Variants in NAV2 observed in about 807,000 individuals in gnomAD.
NAV2 encodes neuron navigator 2.
Under a neutral mutation model 223.2 loss-of-function variants are expected in NAV2, and 54 were observed. That is an observed-to-expected ratio of 0.24 (90% CI 0.19 to 0.30). NAV2 has a LOEUF of 0.30. Among genes scored for constraint, NAV2 ranks in the 10% least tolerant of loss-of-function variants. The pLI is 1.00. For synonymous variants in NAV2, 1,279 were observed against 1,239.3 expected, an observed-to-expected ratio of 1.03 and a Z score of -0.67; for missense variants, 2,806 against 3,147.5, an observed-to-expected ratio of 0.89 and a Z score of 2.60.
intron 1 of NAV2, among the ~76,000 whole-genome samples, chr11:19,691,462 C>T (rs1158111832): frequency 1.3e-5 from 2 of 152,124 alleles, no homozygotes; most frequent in African/African-American, 2.4e-5. Context: ...GTTTCAAGTC[C>T]GCAGTTGTCA....
At chr11:20,072,713 C>G (rs762244005) in intron 22 of NAV2, among the ~76,000 whole-genome samples, 1 of 152,114 alleles carries the variant, frequency 6.6e-6, no homozygotes, top group African/African-American at 2.4e-5. Flanking sequence ...AATGGGAGTT[C>G]ACTCATGATT....
intron 1 of NAV2, among the ~76,000 whole-genome samples, chr11:19,402,540 A>G (rs1849730030): frequency 6.6e-6 from 1 of 152,190 alleles, no homozygotes; most frequent in Admixed American, 6.5e-5. Flanking sequence ...TGTAATTTAT[A>G]TAGCTTTTGA....
chr11:19,932,443 C>A (rs2045463764), intron 6 of NAV2, among the ~76,000 whole-genome samples: 1 of 152,082 alleles, frequency 6.6e-6, no homozygotes, highest in African/African-American at 2.4e-5. Flanking sequence ...CTCAGCCTCC[C>A]AAGTAGCTGG....
intron 1 of NAV2, among the ~76,000 whole-genome samples, chr11:19,487,161 G>C (rs900119757): frequency 5.9e-5 from 9 of 152,192 alleles, no homozygotes; most frequent in Non-Finnish European, 1.3e-4. Context: ...CTGAGCCTGG[G>C]TCTGAAGCAG....
chr11:19,787,036 AAAG>A (rs1322106003), intron 1 of NAV2, among the ~76,000 whole-genome samples: 71 of 152,144 alleles, frequency 4.7e-4, no homozygotes, highest in African/African-American at 1.3e-3. Flanking sequence ...GTTAGAAACA[AAAG>A]AAGAAGAAGA....
chr11:20,104,377 G>A (rs2061869943), intron 34 of NAV2: 1 of 152,720 alleles, frequency 6.5e-6, no homozygotes, highest in African/African-American at 2.4e-5. Context: ...GGCCCTTAGA[G>A]GTGGATGTGA....
chr11:19,796,512 C>T (rs1044748604), intron 1 of NAV2, among the ~76,000 whole-genome samples: 1 of 152,190 alleles, frequency 6.6e-6, no homozygotes, highest in Admixed American at 6.5e-5. Flanking sequence ...AATGTGATTT[C>T]TTCCCATTTT....
At chr11:19,477,463 C>T (rs2042153681) in intron 1 of NAV2, among the ~76,000 whole-genome samples, 1 of 152,196 alleles carries the variant, frequency 6.6e-6, no homozygotes, top group South Asian at 2.1e-4. Context: ...CTACAAGTAA[C>T]AAAATCCCCA....
intron 1 of NAV2, among the ~76,000 whole-genome samples, chr11:19,459,516 T>C (rs1308148656): frequency 1.3e-5 from 2 of 152,144 alleles, no homozygotes; most frequent in Non-Finnish European, 2.9e-5. Context: ...GGTCATGAAC[T>C]CCCTCTAAGG....
Position 20,030,159 on chromosome 11 carries a change from A to G in NAV2, c.2769-5800A>G, listed in dbSNP as rs143383731. On this transcript the variant is annotated intron_variant, in intron 11 of 37. Coordinates refer to ENST00000349880, the MANE Select transcript of NAV2 (RefSeq NM_145117.5). The stretch of plus-strand genomic sequence containing the variant: ...CAAACACAATGCTATCTCCAGCAAC[A>G]TTTTCAGAGCAATTTTGGAGCTGCT... 9.1e-4 allele frequency among the ~76,000 whole-genome samples: 138 copies of G among 152,298 alleles called. 1 individual carries two copies. The highest frequency in any genetic ancestry group is 3.2e-3 in the African/African-American group (132 of 41,572).
intron 11 of NAV2, among the ~76,000 whole-genome samples, chr11:19,986,138 T>G (rs2050776751): frequency 6.6e-6 from 1 of 152,230 alleles, no homozygotes; most frequent in Non-Finnish European, 1.5e-5. Context: ...ATTGTAAGAT[T>G]AATGGGATTA....
chr11:20,103,207 G>A (rs201044377), intron 32 of NAV2, 48 bp from the exon 33 acceptor site: 162 of 1,573,350 alleles, frequency 1.0e-4, no homozygotes, highest in Admixed American at 5.2e-5. Flanking sequence ...TGTCTTCACT[G>A]AGTGCATTCA....
At chr11:20,090,750 C>T in intron 26 of NAV2, 115 bp from the exon 27 acceptor site, 1 of 1,067,018 alleles carries the variant, frequency 9.4e-7, no homozygotes, top group South Asian at 1.8e-5. Context: ...CAGGAAGCAC[C>T]AGGCAGCTGG....
intron 1 of NAV2, among the ~76,000 whole-genome samples, chr11:19,462,683 G>A (rs1433685231): frequency 6.6e-6 from 1 of 152,238 alleles, no homozygotes; most frequent in East Asian, 1.9e-4. Flanking sequence ...GAATGGGGTA[G>A]TGATGACCAG....
chr11:19,459,195 A>G (rs992933466), intron 1 of NAV2, among the ~76,000 whole-genome samples: 16 of 152,318 alleles, frequency 1.1e-4, no homozygotes, highest in African/African-American at 3.6e-4. Context: ...AGCTTGTGTC[A>G]TTGAATTGAC....
At chr11:19,793,543 C>T (rs1415157005) in intron 1 of NAV2, among the ~76,000 whole-genome samples, 2 of 152,180 alleles carry the variant, frequency 1.3e-5, no homozygotes, top group Non-Finnish European at 2.9e-5. Flanking sequence ...TCTCTGCTGC[C>T]GTCACCTAGC....
intron 1 of NAV2, among the ~76,000 whole-genome samples, chr11:19,726,024 G>A (rs1380161549): frequency 3.9e-5 from 6 of 152,180 alleles, no homozygotes; most frequent in South Asian, 4.1e-4. Context: ...TGGCTCTGCC[G>A]AGGCCCTCGC....
At chr11:19,999,047 T>C (rs889991461) in intron 11 of NAV2, among the ~76,000 whole-genome samples, 2 of 152,210 alleles carry the variant, frequency 1.3e-5, no homozygotes, top group African/African-American at 2.4e-5. Flanking sequence ...TGCCAGGCAC[T>C]GTGATGCAGG....
rs1028130478 is a variant in NAV2, at chr11:19,412,422, T to G, written c.75+61395T>G. ...TCTGAAAGAAAGGCAGCAACCCCAG[T>G]CAGGGGCTTATAGATAAAACTCCCA... On this transcript the variant is annotated intron_variant, in intron 1 of 37. Coordinates refer to the NAV2 transcript ENST00000360655. Among the ~76,000 whole-genome samples, 60 of 152,148 alleles carry G rather than the reference T, an allele frequency of 3.9e-4. 1 individual carries two copies. Among genetic ancestry groups the G allele is most frequent in the African/African-American group, 1.4e-3 (58 of 41,430 alleles).
Sources: gnomAD v4.1 joint callset for allele counts (sites outside exome capture counted in the v4.1 genomes callset) on GRCh38, gnomAD v4.1.1 for gene constraint, MANE v1.5 for transcripts, NCBI Gene and HGNC (gene_info 2026-07-23, HGNC 2026-07-21) for gene names.